Variants in RGS17 observed in about 807,000 individuals in gnomAD.
The protein encoded by RGS17 is regulator of G-protein signaling 17.
Under a neutral mutation model 25.5 loss-of-function variants are expected in RGS17, and 12 were observed. That is an observed-to-expected ratio of 0.47 (90% CI 0.30 to 0.76). The LOEUF (loss-of-function observed/expected upper bound fraction) is 0.76, where lower values mean the gene tolerates loss of function less well. Ranked by LOEUF, RGS17 falls within the 30% of genes least tolerant of loss-of-function variation. The pLI is 0.07. For missense variants in RGS17, 196 were observed against 242.2 expected, an observed-to-expected ratio of 0.81 and a Z score of 1.27; for synonymous variants, 71 against 76.9, an observed-to-expected ratio of 0.92 and a Z score of 0.40.
At chr6:153,095,116 T>C (rs1380089358) in intron 1 of RGS17, among the ~76,000 whole-genome samples, 4 of 152,146 alleles carry the variant, frequency 2.6e-5, no homozygotes, top group African/African-American at 9.6e-5. Flanking sequence ...GAAAATAATT[T>C]GGGAAAAATA....
chr6:153,065,193 A>G (rs1776690639), intron 1 of RGS17, among the ~76,000 whole-genome samples: 1 of 152,234 alleles, frequency 6.6e-6, no homozygotes, highest in Admixed American at 6.5e-5. Flanking sequence ...AAAAACTGTA[A>G]GAAGAGACAA....
chr6:153,016,448 A>AG (rs3839482), intron 4 of RGS17, among the ~76,000 whole-genome samples: 23 of 152,258 alleles, frequency 1.5e-4, no homozygotes, highest in African/African-American at 4.8e-4. Flanking sequence ...AGATTAAAAA[A>AG]GGGGGGGTCA....
At chr6:153,043,043 A>C (rs1446966042) in intron 2 of RGS17, among the ~76,000 whole-genome samples, 1 of 152,178 alleles carries the variant, frequency 6.6e-6, no homozygotes, top group Non-Finnish European at 1.5e-5. Context: ...GAAGTCTAGC[A>C]TCCCCTTGAG....
intron 1 of RGS17, among the ~76,000 whole-genome samples, chr6:153,100,610 C>T (rs567731390): frequency 6.6e-6 from 1 of 152,086 alleles, no homozygotes; most frequent in Non-Finnish European, 1.5e-5. Flanking sequence ...AGAATTATTG[C>T]TAGAAGTCTT....
At chr6:153,114,504 A>C (rs4634469) in intron 1 of RGS17, among the ~76,000 whole-genome samples, 68,550 of 151,958 alleles carry the variant, frequency 0.45, 16,084 homozygotes, top group East Asian at 0.85. Flanking sequence ...CCAGAGATAC[A>C]AAGAGGAGCT....
At chr6:153,034,599 T>G (rs1371986899) in intron 2 of RGS17, among the ~76,000 whole-genome samples, 2 of 152,204 alleles carry the variant, frequency 1.3e-5, no homozygotes, top group East Asian at 3.9e-4. Flanking sequence ...TCAGAGGTAG[T>G]AAGTAACTTG....
rs188116654 is a variant in RGS17, at chr6:153,055,652, T to G, written c.-25-11609A>C. On this transcript the variant is annotated intron_variant, in intron 1 of 4. Transcript: ENST00000206262. Reference sequence around the variant, plus strand: ...ACTTCATCTAGTCCTTACGGTGAGGTGCAGGGAAAGTTGGTATGGAAGAAA... The same window carrying G: ...ACTTCATCTAGTCCTTACGGTGAGGGGCAGGGAAAGTTGGTATGGAAGAAA... Among the ~76,000 whole-genome samples, 360 of 152,188 alleles carry G rather than the reference T, an allele frequency of 2.4e-3. 8 individuals are homozygous for G. The highest frequency in any genetic ancestry group is 4.0e-4 in the Non-Finnish European group (27 of 68,010).
intron 1 of RGS17, among the ~76,000 whole-genome samples, chr6:153,104,985 G>C (rs1245979167): frequency 6.6e-6 from 1 of 152,202 alleles, no homozygotes; most frequent in Non-Finnish European, 1.5e-5. Flanking sequence ...GCTCATTATT[G>C]CATGAACAGC....
chr6:153,044,398 A>G (rs1353327006), intron 1 of RGS17, among the ~76,000 whole-genome samples: 1 of 152,156 alleles, frequency 6.6e-6, no homozygotes, highest in Non-Finnish European at 1.5e-5. Flanking sequence ...CCATTCGGTG[A>G]TTATAGAGGG....
At chr6:153,088,538 T>C (rs927306776) in intron 1 of RGS17, among the ~76,000 whole-genome samples, 2 of 152,230 alleles carry the variant, frequency 1.3e-5, no homozygotes, top group Non-Finnish European at 2.9e-5. Flanking sequence ...TGTTTCCTTT[T>C]TACATGTTTA....
chr6:153,011,480 A>G lies in RGS17; in HGVS notation c.*94T>C. 1.2e-6 allele frequency: 1 copy of G among 847,836 alleles called. No homozygotes were observed. Among genetic ancestry groups the G allele is most frequent in the Non-Finnish European group, 1.9e-6 (1 of 526,402 alleles). The allele number at this position is 847,836 out of a possible 1,614,324, so 52.5% of individuals were successfully genotyped here. A position where few individuals can be genotyped will look rare whatever the true frequency, so the allele number is the denominator to read the frequency against. ...TTTTCACAGTAGCCTGAGGAATGCT[A>G]AACTGTAGTTCTCCAGGAACTCAGT... On this transcript the variant is annotated 3_prime_UTR_variant, in exon 5 of 5. Coordinates refer to ENST00000206262, the MANE Select transcript of RGS17 (RefSeq NM_012419.5).
intron 1 of RGS17, among the ~76,000 whole-genome samples, chr6:153,101,016 G>C (rs1246861771): frequency 6.6e-6 from 1 of 152,186 alleles, no homozygotes; most frequent in African/African-American, 2.4e-5. Flanking sequence ...AGGCTCAGAG[G>C]CTACCAGATT....
chr6:153,124,688 A>G lies in RGS17; in HGVS notation c.-26+6436T>C, dbSNP rs370082452. Among the ~76,000 whole-genome samples the G allele has an allele frequency of 3.2e-4, 48 of 152,296 alleles. 7 individuals carry two copies. Among genetic ancestry groups the G allele is most frequent in the Admixed American group, 2.1e-3 (32 of 15,296 alleles). On this transcript the variant is annotated intron_variant, in intron 1 of 4. Transcript: ENST00000206262. ...TGAATCTAAAACCTGGGCTCTTTCC[A>G]CCAAATTACATTCTCTGCTTTTAAA...
chr6:153,024,553 G>A, intron 3 of RGS17, 57 bp from the exon 4 acceptor site: 1 of 1,261,530 alleles, frequency 7.9e-7, no homozygotes, highest in Non-Finnish European at 1.2e-6. Context: ...GTGAATGCTA[G>A]ACCAGGTAAG....
intron 1 of RGS17, among the ~76,000 whole-genome samples, chr6:153,105,858 C>A (rs1189635308): frequency 1.3e-5 from 2 of 152,168 alleles, no homozygotes; most frequent in Non-Finnish European, 2.9e-5. Context: ...AGATTTCATT[C>A]TGTAGGTAAT....
At chr6:153,067,427 T>TA (rs917455371) in intron 1 of RGS17, among the ~76,000 whole-genome samples, 5 of 151,308 alleles carry the variant, frequency 3.3e-5, no homozygotes, top group South Asian at 4.2e-4. Flanking sequence ...AGATTCCACT[T>TA]AAAAAAAAAT....
In RGS17 at chr6:153,115,553, T is replaced by G. The variant is rs185914644; in HGVS notation, c.-26+15571A>C. Among the ~76,000 whole-genome samples, 391 of 152,284 alleles carry G rather than the reference T, an allele frequency of 2.6e-3. 1 individual carries two copies. The highest frequency in any genetic ancestry group is 9.0e-3 in the African/African-American group (374 of 41,544). On this transcript the variant is annotated intron_variant, in intron 1 of 4. Transcript: ENST00000206262. ...CCCATCTAGCTGCCATTGACTTTCT[T>G]CACAGAATTAGGAAAAACTACTTTA...
chr6:153,096,968 A>T (rs1777222479), intron 1 of RGS17, among the ~76,000 whole-genome samples: 1 of 152,132 alleles, frequency 6.6e-6, no homozygotes, highest in South Asian at 2.1e-4. Context: ...AAGCATCAAG[A>T]ACCTGTTTGT....
chr6:153,090,851 G>GTATATA lies in RGS17; in HGVS notation c.-26+40267_-26+40272dup, dbSNP rs71017579. Among the ~76,000 whole-genome samples the GTATATA allele has an allele frequency of 6.7e-3, 1,005 of 150,776 alleles. 5 individuals carry two copies. Among genetic ancestry groups the GTATATA allele is most frequent in the Middle Eastern group, 0.014 (4 of 292 alleles). ...ATACAGGGTTCAGTAAAAAAACATAGTATATATATATAGGGTTCTGTGGTT... is the reference window on the plus strand; with the variant it reads ...ATACAGGGTTCAGTAAAAAAACATAGTATATATATATATATATAGGGTTCTGTGGTT... On this transcript the variant is annotated intron_variant, in intron 1 of 4. Coordinates refer to ENST00000206262, the MANE Select transcript of RGS17 (RefSeq NM_012419.5).
Sources: gnomAD v4.1 joint callset for allele counts (sites outside exome capture counted in the v4.1 genomes callset) on GRCh38, gnomAD v4.1.1 for gene constraint, MANE v1.5 for transcripts, NCBI Gene and HGNC (gene_info 2026-07-23, HGNC 2026-07-21) for gene names.